DPP10: variants seen among roughly 807,000 people sequenced by gnomAD.
DPP10 encodes the protein dipeptidyl peptidase like 10.
A neutral mutation model predicts 120.9 loss-of-function variants in DPP10; 33 were observed. That is an observed-to-expected ratio of 0.27 (90% confidence interval 0.21 to 0.37). The LOEUF is 0.37. Among genes scored for constraint, DPP10 ranks in the 10% least tolerant of loss-of-function variants. The probability of loss-of-function intolerance (pLI) is 1.00; values close to 1 mark genes in which losing one functional copy is unlikely to be tolerated. For missense variants in DPP10, 816 were observed against 942.8 expected (o/e 0.87, Z 1.76); for synonymous variants, 337 against 326.1 (o/e 1.03, Z -0.36).
intron 1 of DPP10, among the ~76,000 whole-genome samples, chr2:114,997,226 A>G (rs1346527254): frequency 6.6e-6 from 1 of 151,874 alleles, no homozygotes; most frequent in East Asian, 1.9e-4. Context: ...TCATAGATGC[A>G]CGCCTGTAAT....
chr2:115,685,123 A>G (rs952017646), intron 5 of DPP10, among the ~76,000 whole-genome samples: 8 of 151,970 alleles, frequency 5.3e-5, no homozygotes, highest in African/African-American at 1.9e-4. Context: ...TGAAGTATGA[A>G]TAATATTTAC....
At chr2:114,680,868 C>T (rs1251112599) in intron 1 of DPP10, among the ~76,000 whole-genome samples, 2 of 151,880 alleles carry the variant, frequency 1.3e-5, no homozygotes, top group Non-Finnish European at 2.9e-5. Flanking sequence ...GTCCCATAAT[C>T]AAAGGCACTT....
intron 3 of DPP10, among the ~76,000 whole-genome samples, chr2:115,465,058 A>C (rs1043957223): frequency 2.6e-5 from 4 of 152,224 alleles, no homozygotes; most frequent in African/African-American, 9.6e-5. Context: ...ATCTTAGAGC[A>C]GAAAATATAT....
intron 21 of DPP10, among the ~76,000 whole-genome samples, chr2:115,816,589 A>G (rs936962241): frequency 1.1e-4 from 17 of 149,092 alleles, no homozygotes; most frequent in Non-Finnish European, 2.2e-4. Context: ...GATATTTATT[A>G]GTTTGTTTTT....
intron 1 of DPP10, among the ~76,000 whole-genome samples, chr2:115,127,854 C>A (rs75611655): frequency 6.6e-6 from 1 of 152,022 alleles, no homozygotes; most frequent in Non-Finnish European, 1.5e-5. Flanking sequence ...GTGTACACTT[C>A]GGAAAAAGTG....
intron 1 of DPP10, among the ~76,000 whole-genome samples, chr2:114,967,096 C>T (rs1699089242): frequency 6.6e-6 from 1 of 151,954 alleles, no homozygotes; most frequent in South Asian, 2.1e-4. Flanking sequence ...GTGGAGACAG[C>T]AGGGTCAGTA....
At chr2:115,504,275 CTTT>C (rs5833604) in intron 4 of DPP10, among the ~76,000 whole-genome samples, 2 of 131,618 alleles carry the variant, frequency 1.5e-5, no homozygotes, top group African/African-American at 2.8e-5. Context: ...CTATTGCCAA[CTTT>C]TTTTTTTTTT....
intron 1 of DPP10, among the ~76,000 whole-genome samples, chr2:115,169,063 A>G (rs2053116298): frequency 6.6e-6 from 1 of 152,220 alleles, no homozygotes; most frequent in South Asian, 2.1e-4. Context: ...GAATTGCCAA[A>G]TGATTTTCAA....
chr2:115,618,786 C>T (rs2084718322), intron 5 of DPP10, among the ~76,000 whole-genome samples: 1 of 152,044 alleles, frequency 6.6e-6, no homozygotes, highest in South Asian at 2.1e-4. Flanking sequence ...GACATGCTGG[C>T]CCTAAATTCC....
chr2:115,333,722 T>G (rs1467204353), intron 2 of DPP10, among the ~76,000 whole-genome samples: 1 of 152,128 alleles, frequency 6.6e-6, no homozygotes, highest in Non-Finnish European at 1.5e-5. Context: ...GGTTGAAAAT[T>G]CTTTTCTTTA....
intron 1 of DPP10, among the ~76,000 whole-genome samples, chr2:114,609,184 C>G (rs865958978): frequency 2.0e-5 from 3 of 152,084 alleles, no homozygotes; most frequent in African/African-American, 4.8e-5. Context: ...CAGCAAGAGC[C>G]ACAATGAGGG....
At chr2:115,431,698 CTTTTCTTGTGTTTG>C (rs1347670603) in intron 3 of DPP10, among the ~76,000 whole-genome samples, 1 of 152,084 alleles carries the variant, frequency 6.6e-6, no homozygotes, top group African/African-American at 2.4e-5. Flanking sequence ...AACCGAATCA[CTTTTCTTGTGTTTG>C]TGACCCAGCT....
chr2:115,624,231 T>C (rs1027253051), intron 5 of DPP10, among the ~76,000 whole-genome samples: 19 of 152,064 alleles, frequency 1.2e-4, no homozygotes, highest in African/African-American at 4.4e-4. Context: ...TTTTGTTAAA[T>C]TGACTTCTAT....
At chr2:114,556,022 G>T (rs1330691696) in intron 1 of DPP10, among the ~76,000 whole-genome samples, 2 of 151,944 alleles carry the variant, frequency 1.3e-5, no homozygotes, top group Admixed American at 6.6e-5. Context: ...CAAGGGAAAA[G>T]CCTGGGAAAG....
chr2:115,005,274 G>T (rs186696158), intron 1 of DPP10, among the ~76,000 whole-genome samples: 2 of 152,096 alleles, frequency 1.3e-5, no homozygotes, highest in African/African-American at 4.8e-5. Flanking sequence ...GGAAAAAACC[G>T]AACAGAAAAA....
In DPP10 at chr2:115,151,682, C is replaced by T. The variant is rs1445140771; in HGVS notation, c.61-157557C>T. 9.9e-5 allele frequency among the ~76,000 whole-genome samples: 15 copies of T among 150,972 alleles called. No individual in the cohort carries two copies. In the East Asian group the frequency reaches 2.3e-3, roughly 23 times the overall value. ...TCGGCTTCCCAAAGTACTGGGATTA[C>T]AGGCGTGAGCCACCGCGCCCAGTCA... On this transcript the variant is annotated intron_variant, in intron 1 of 25. Coordinates refer to ENST00000410059, the MANE Select transcript of DPP10 (RefSeq NM_020868.6).
chr2:115,049,475 T>C (rs931340358), intron 1 of DPP10, among the ~76,000 whole-genome samples: 2 of 152,172 alleles, frequency 1.3e-5, no homozygotes, highest in African/African-American at 2.4e-5. Context: ...ATGGAGACAA[T>C]ATTTGCTGAC....
At chr2:114,897,439 A>G (rs888721343) in intron 1 of DPP10, among the ~76,000 whole-genome samples, 1 of 152,218 alleles carries the variant, frequency 6.6e-6, no homozygotes, top group Non-Finnish European at 1.5e-5. Flanking sequence ...AGGCATGGGC[A>G]AGGACTTCAT....
chr2:115,637,274 C>A (rs1028742380), intron 5 of DPP10, among the ~76,000 whole-genome samples: 1 of 151,826 alleles, frequency 6.6e-6, no homozygotes, highest in Non-Finnish European at 1.5e-5. Context: ...AAATATCTTT[C>A]AAAAAACTGA....
Sources: gnomAD v4.1 joint callset for allele counts (sites outside exome capture counted in the v4.1 genomes callset) on GRCh38, gnomAD v4.1.1 for gene constraint, MANE v1.5 for transcripts, NCBI Gene and HGNC (gene_info 2026-07-23, HGNC 2026-07-21) for gene names.